Variants in RAB3IL1 observed in about 807,000 individuals in gnomAD.
The protein encoded by RAB3IL1 is guanine nucleotide exchange factor for Rab-3A.
A neutral mutation model predicts 49.2 loss-of-function variants in RAB3IL1; 37 were observed. The observed-to-expected ratio is 0.75, with a 90% confidence interval of 0.58 to 0.99. RAB3IL1 has a LOEUF of 0.99. Ranked by LOEUF, RAB3IL1 falls within the 50% of genes least tolerant of loss-of-function variation. The pLI is 0.00. For synonymous variants in RAB3IL1, 193 were observed against 213.9 expected (o/e 0.90, Z 0.85); for missense variants, 484 against 513.0 (o/e 0.94, Z 0.55).
the RAB3IL1 span, among the ~76,000 whole-genome samples, chr11:61,926,481 G>A: frequency 6.6e-6 from 1 of 151,872 alleles, no homozygotes; most frequent in South Asian, 2.1e-4. Context: ...CCTTGTGGGA[G>A]GTGTTTGGGT....
chr11:61,908,458 G>T, intron 1 of RAB3IL1, 152 bp from the exon 2 acceptor site: 1 of 930,550 alleles, frequency 1.1e-6, no homozygotes, highest in Non-Finnish European at 1.5e-6. Context: ...CATCAGTGTT[G>T]TTACAAGGGC....
chr11:61,920,063 C>A, upstream of RAB3IL1: 1 of 1,275,656 alleles, frequency 7.8e-7, no homozygotes, highest in Non-Finnish European at 1.0e-6. Context: ...CAGGGCTCTT[C>A]TCTCAAGTTC....
At chr11:61,942,444 G>T in the RAB3IL1 span, among the ~76,000 whole-genome samples, 19 of 150,328 alleles carry the variant, frequency 1.3e-4, no homozygotes, top group Admixed American at 8.0e-4. Context: ...AAACACCCAA[G>T]AATTATCAAT....
chr11:61,935,049 T>C, the RAB3IL1 span, among the ~76,000 whole-genome samples: 1 of 152,148 alleles, frequency 6.6e-6, no homozygotes, highest in Non-Finnish European at 1.5e-5. Context: ...ATTTAAATAT[T>C]AAAAATGTCC....
At chr11:61,905,612 G>C (rs920176044) in intron 5 of RAB3IL1, among the ~76,000 whole-genome samples, 4 of 152,032 alleles carry the variant, frequency 2.6e-5, no homozygotes, top group South Asian at 2.1e-4. Flanking sequence ...AGGAAGGGGA[G>C]AAGTTAATGT....
the RAB3IL1 span, among the ~76,000 whole-genome samples, chr11:61,934,450 GTATATATATATA>G: frequency 5.9e-3 from 188 of 31,620 alleles, 6 homozygotes; most frequent in African/African-American, 0.013. Flanking sequence ...GTGTGTGTAT[GTATATATATATA>G]TATATATATA....
chr11:61,917,519 G>A lies in RAB3IL1; in HGVS notation c.-152C>T, dbSNP rs1208934273. 33 of 1,121,836 alleles carry A rather than the reference G, an allele frequency of 2.9e-5. No homozygotes were observed. Among genetic ancestry groups the A allele is most frequent in the African/African-American group, 1.3e-4 (8 of 60,556 alleles). 69.5% of individuals were successfully genotyped at this position (1,121,836 alleles called of 1,614,324 possible). The stretch of plus-strand genomic sequence containing the variant: ...GCCGGTCAGTAGGTCTCAGACGCCT[G>A]GGCTCGCGGCCCCCAGCCCAGCCCC... On this transcript the variant is annotated 5_prime_UTR_variant, in exon 1 of 10. Coordinates refer to ENST00000394836, the MANE Select transcript of RAB3IL1 (RefSeq NM_013401.4).
the RAB3IL1 span, among the ~76,000 whole-genome samples, chr11:61,944,235 C>CTTCCT: frequency 7.2e-6 from 1 of 139,142 alleles, no homozygotes; most frequent in African/African-American, 2.7e-5. Context: ...TCCTTCCTTC[C>CTTCCT]TTCCTTCCTT....
At chr11:61,940,738 G>A in the RAB3IL1 span, among the ~76,000 whole-genome samples, 1 of 152,028 alleles carries the variant, frequency 6.6e-6, no homozygotes, top group Admixed American at 6.6e-5. Context: ...TGGGCAACAT[G>A]GTGAATCCTT....
the RAB3IL1 span, among the ~76,000 whole-genome samples, chr11:61,929,093 A>G: frequency 6.6e-6 from 1 of 152,374 alleles, no homozygotes; most frequent in East Asian, 1.9e-4. Context: ...ACACAAGCAT[A>G]CAATGTATAA....
intron 1 of RAB3IL1, among the ~76,000 whole-genome samples, chr11:61,909,267 G>T (rs968514972): frequency 2.0e-5 from 3 of 152,164 alleles, no homozygotes; most frequent in South Asian, 2.1e-4. Context: ...CTGCACCAGA[G>T]GGGGAAGGCA....
At chr11:61,934,450 G>GTGTATGTATGTATATGTA in the RAB3IL1 span, among the ~76,000 whole-genome samples, 4 of 31,616 alleles carry the variant, frequency 1.3e-4, no homozygotes, top group Non-Finnish European at 1.4e-4. Flanking sequence ...GTGTGTGTAT[G>GTGTATGTATGTATATGTA]TATATATATA....
At chr11:61,918,272 C>T (rs1939797341), upstream of RAB3IL1, among the ~76,000 whole-genome samples, 1 of 152,160 alleles carries the variant, frequency 6.6e-6, no homozygotes. Flanking sequence ...GAGTCCTGAT[C>T]ATTCGTCTCA....
At chr11:61,922,284 G>A (rs1469863046), upstream of RAB3IL1, among the ~76,000 whole-genome samples, 1 of 152,150 alleles carries the variant, frequency 6.6e-6, no homozygotes, top group Non-Finnish European at 1.5e-5. Context: ...ACTTTAGGAG[G>A]CCGAGGCGAG....
chr11:61,939,690 C>T, the RAB3IL1 span, among the ~76,000 whole-genome samples: 4 of 151,420 alleles, frequency 2.6e-5, no homozygotes, highest in East Asian at 7.8e-4. Flanking sequence ...GTGGCTCACG[C>T]CTGTAATCTG....
At chr11:61,944,025 T>C in the RAB3IL1 span, among the ~76,000 whole-genome samples, 1 of 152,242 alleles carries the variant, frequency 6.6e-6, no homozygotes, top group South Asian at 2.1e-4. Flanking sequence ...GTCTTAAATC[T>C]CTCTTATAGT....
intron 4 of RAB3IL1, 90 bp downstream of exon 4, chr11:61,907,303 G>A (rs539388578): frequency 4.6e-4 from 637 of 1,371,446 alleles, no homozygotes; most frequent in Non-Finnish European, 6.2e-4. Flanking sequence ...CCAGGTGAGC[G>A]TCCACTCGGG....
chr11:61,902,464 A>T lies in RAB3IL1; in HGVS notation c.977T>A (p.Ile326Asn). The change falls in exon 8 of 10, where the codon ATC becomes AAC. Residue 326 changes from isoleucine (I) to asparagine (N), a missense_variant. By Grantham distance (149) the Ile-to-Asn change is moderately radical. Coordinates refer to ENST00000394836, the MANE Select transcript of RAB3IL1 (RefSeq NM_013401.4). ...CACCCTGGCCCGGGAAGATGGCGAG[A>T]TGTAGTAATGGCTTTTGGAGTCCCC... Reference protein sequence around the residue: ...RLGDSKSHYYISPSSRARITA... With the variant: ...RLGDSKSHYYNSPSSRARITA... 6.3e-7 allele frequency: 1 copy of T among 1,599,170 alleles called. No individual in the cohort carries two copies. Among genetic ancestry groups the T allele is most frequent in the Non-Finnish European group, 8.5e-7 (1 of 1,174,850 alleles).
intron 1 of RAB3IL1, among the ~76,000 whole-genome samples, chr11:61,909,350 C>A (rs1223284270): frequency 6.6e-6 from 1 of 152,184 alleles, no homozygotes; most frequent in East Asian, 1.9e-4. Flanking sequence ...GTGGACCAGT[C>A]TCCCCTCCCT....
Sources: gnomAD v4.1 joint callset for allele counts (sites outside exome capture counted in the v4.1 genomes callset) on GRCh38, gnomAD v4.1.1 for gene constraint, MANE v1.5 for transcripts, NCBI Gene and HGNC (gene_info 2026-07-23, HGNC 2026-07-21) for gene names.